ARHGEF9: variants seen among roughly 807,000 people sequenced by gnomAD.
The protein encoded by ARHGEF9 is rho guanine nucleotide exchange factor 9.
Under a neutral mutation model 41.3 loss-of-function variants are expected in ARHGEF9, and 2 were observed. That is an observed-to-expected ratio of 0.05 (90% CI 0.02 to 0.15). The LOEUF (loss-of-function observed/expected upper bound fraction) is 0.15. Among genes scored for constraint, ARHGEF9 ranks in the 10% least tolerant of loss-of-function variants. The probability of loss-of-function intolerance (pLI) is 1.00; values close to 1 mark genes in which losing one functional copy is unlikely to be tolerated. For missense variants in ARHGEF9, 225 were observed against 424.7 expected, an observed-to-expected ratio of 0.53 and a Z score of 4.13; for synonymous variants, 160 against 154.4, an observed-to-expected ratio of 1.04 and a Z score of -0.27.
chrX:63,759,257 T>C (rs1273022084), intron 1 of ARHGEF9, among the ~76,000 whole-genome samples: 8 of 111,252 alleles, frequency 7.2e-5, no homozygotes, highest in African/African-American at 2.6e-4. Context: ...ACCAATCAAC[T>C]TTGCTCACAA....
intron 2 of ARHGEF9, among the ~76,000 whole-genome samples, chrX:63,714,508 G>A (rs1282667421): frequency 8.9e-6 from 1 of 112,163 alleles, no homozygotes; most frequent in African/African-American, 3.2e-5. Context: ...AGGAGAGACA[G>A]TCTGTGACAG....
intron 3 of ARHGEF9, 149 bp from the exon 4 acceptor site, chrX:63,697,453 C>T (rs1313363576): frequency 3.8e-6 from 2 of 525,952 alleles, no homozygotes; most frequent in Non-Finnish European, 6.2e-6. Flanking sequence ...CTGAGGTTTA[C>T]AGAAGGAAGT....
intron 1 of ARHGEF9, chrX:63,754,246 C>G: frequency 8.7e-7 from 1 of 1,150,586 alleles, no homozygotes; most frequent in Non-Finnish European, 1.2e-6. Flanking sequence ...GGCAACTATA[C>G]GCGCAGGCAT....
intron 4 of ARHGEF9, among the ~76,000 whole-genome samples, chrX:63,694,482 G>C (rs1201399131): frequency 8.9e-6 from 1 of 112,331 alleles, no homozygotes; most frequent in African/African-American, 3.2e-5. Context: ...TTTGTGAATA[G>C]GTGGTATATC....
chrX:63,754,884 C>G, intron 1 of ARHGEF9: 1 of 939,472 alleles, frequency 1.1e-6, no homozygotes, highest in African/African-American at 2.0e-5. Context: ...ACGGGAAAGG[C>G]AAAATCCTAG....
chrX:63,700,795 G>T (rs1556394596), intron 3 of ARHGEF9, among the ~76,000 whole-genome samples: 1 of 111,138 alleles, frequency 9.0e-6, no homozygotes. Context: ...CAGGGCAGGG[G>T]GAACAAAAGG....
At chrX:63,710,835 G>A (rs1311805447) in intron 2 of ARHGEF9, among the ~76,000 whole-genome samples, 1 of 110,528 alleles carries the variant, frequency 9.0e-6, no homozygotes, top group African/African-American at 3.3e-5. Flanking sequence ...TCTAGCCAGA[G>A]CAATTGGACA....
In ARHGEF9 at chrX:63,643,926, C is replaced by A. The variant is rs1602178584; in HGVS notation, c.1390+54G>T. 8 of 1,143,720 alleles carry A rather than the reference C, an allele frequency of 7.0e-6. No homozygotes were observed. In the East Asian group the frequency reaches 2.4e-4, roughly 34 times the overall value. 94.3% of individuals were successfully genotyped at this position (1,143,720 alleles called of 1,213,427 possible). ...AGAAATGGGCCTAAGAATATGTAAGCATATAGCTTATGATTCCATAGTCTT... is the reference window on the plus strand; with the variant it reads ...AGAAATGGGCCTAAGAATATGTAAGAATATAGCTTATGATTCCATAGTCTT... On this transcript the variant is annotated intron_variant, in intron 9 of 9. Transcript: ENST00000671741.
chrX:63,729,212 A>T (rs1364504946), intron 1 of ARHGEF9, among the ~76,000 whole-genome samples: 1 of 111,281 alleles, frequency 9.0e-6, no homozygotes, highest in African/African-American at 3.3e-5. Context: ...TGGGAAGCTC[A>T]AGAGAGATTA....
Position 63,775,925 on chromosome X carries a change from G to A in ARHGEF9, c.30+9191C>T, listed in dbSNP as rs572625921. Among the ~76,000 whole-genome samples the A allele has an allele frequency of 1.5e-4, 17 of 111,143 alleles. No homozygotes were observed. The East Asian group carries it at 2.8e-3, about 18-fold the overall frequency. On this transcript the variant is annotated intron_variant, in intron 1 of 9. Coordinates refer to ENST00000671741, the MANE Select transcript of ARHGEF9 (RefSeq NM_001353921.2). ...ATACCCTGAACCCCTCACCCACCAC[G>A]TTCTTGCTCCCCTATTTCCTTACAT...
intron 3 of ARHGEF9, among the ~76,000 whole-genome samples, chrX:63,698,371 C>A (rs1315383879): frequency 3.6e-5 from 4 of 109,733 alleles, no homozygotes; most frequent in African/African-American, 1.3e-4. Flanking sequence ...CAAAAACAGC[C>A]CCAATCTAAA....
At position 63,637,846 on chromosome X, in the gene ARHGEF9, CTG is replaced by C. The variant is rs10542660; in HGVS notation, c.*180_*181del. On this transcript the variant is annotated 3_prime_UTR_variant, in exon 10 of 10. Coordinates refer to ENST00000671741, the MANE Select transcript of ARHGEF9 (RefSeq NM_001353921.2). ...GAAAACACTTTTGTTCCTTATCTCT[CTG>C]TGTGTGTGTGTGTGTGTGTGTGTGT... 0.21 allele frequency: 53,521 copies of C among 259,948 alleles called. 3,521 individuals carry two copies. The highest frequency in any genetic ancestry group is 0.54 in the African/African-American group (16,900 of 31,380). The allele number at this position is 259,948 out of a possible 1,213,427, so 21.4% of individuals were successfully genotyped here.
At chrX:63,669,134 T>G (rs2049780649) in intron 6 of ARHGEF9, among the ~76,000 whole-genome samples, 1 of 112,270 alleles carries the variant, frequency 8.9e-6, no homozygotes, top group African/African-American at 3.2e-5. Context: ...GAGCGTCAAA[T>G]GAGTTCATGG....
chrX:63,766,462 C>T (rs1312657587), intron 1 of ARHGEF9, among the ~76,000 whole-genome samples: 1 of 111,984 alleles, frequency 8.9e-6, no homozygotes, highest in Non-Finnish European at 1.9e-5. Context: ...GCTACCAATG[C>T]CTCTGTCCTC....
chrX:63,697,053 G>C lies in ARHGEF9; in HGVS notation c.582+72C>G, dbSNP rs1251909711. The C allele has an allele frequency of 5.4e-6, 6 of 1,106,738 alleles. No individual in the cohort carries two copies. In the Admixed American group the frequency reaches 1.3e-4, roughly 24 times the overall value. 91.2% of individuals were successfully genotyped at this position (1,106,738 alleles called of 1,213,427 possible). A position where few individuals can be genotyped will look rare whatever the true frequency, so the allele number is the denominator to read the frequency against. ...AGGAAAAAGGAGCTGAACAGAACCA[G>C]ACAGCTCAAACGCTCCTTCCATTGT... On this transcript the variant is annotated intron_variant, in intron 4 of 9. Transcript: ENST00000671741.
chrX:63,740,085 A>T (rs2054861682), intron 1 of ARHGEF9, among the ~76,000 whole-genome samples: 1 of 112,187 alleles, frequency 8.9e-6, no homozygotes, highest in Non-Finnish European at 1.9e-5. Flanking sequence ...GGTGGCAGGT[A>T]CAGGTGACCT....
chrX:63,669,339 C>A (rs1352464268), intron 6 of ARHGEF9, among the ~76,000 whole-genome samples: 1 of 112,165 alleles, frequency 8.9e-6, no homozygotes, highest in Non-Finnish European at 1.9e-5. Flanking sequence ...TTTGTCCGCA[C>A]TAGATGTTCA....
chrX:63,781,884 G>C (rs2056387297), intron 1 of ARHGEF9, among the ~76,000 whole-genome samples: 1 of 111,789 alleles, frequency 8.9e-6, no homozygotes, highest in Non-Finnish European at 1.9e-5. Flanking sequence ...AAACAAACCA[G>C]TTGTGTTCTT....
At chrX:63,660,040 G>T (rs1421340391) in intron 7 of ARHGEF9, among the ~76,000 whole-genome samples, 1 of 111,428 alleles carries the variant, frequency 9.0e-6, no homozygotes, top group Admixed American at 9.6e-5. Flanking sequence ...CCCATTATCG[G>T]GTATGTACCC....
Sources: gnomAD v4.1 joint callset for allele counts (sites outside exome capture counted in the v4.1 genomes callset) on GRCh38, gnomAD v4.1.1 for gene constraint, MANE v1.5 for transcripts, NCBI Gene and HGNC (gene_info 2026-07-23, HGNC 2026-07-21) for gene names.